Variants in SPHKAP observed in about 807,000 individuals in gnomAD.
SPHKAP encodes A-kinase anchor protein SPHKAP.
A neutral mutation model predicts 137.5 loss-of-function variants in SPHKAP; 67 were observed. The observed-to-expected ratio is 0.49, with a 90% confidence interval of 0.40 to 0.60. The LOEUF (loss-of-function observed/expected upper bound fraction) is 0.60. SPHKAP is among the 20% of genes least tolerant of loss of function. SPHKAP has a pLI of 0.00. For missense variants in SPHKAP, 2,097 were observed against 2,069.3 expected (o/e 1.01, Z -0.26); for synonymous variants, 813 against 785.3 (o/e 1.04, Z -0.59).
At chr2:228,060,717 T>G (rs992904057) in intron 3 of SPHKAP, among the ~76,000 whole-genome samples, 2 of 152,126 alleles carry the variant, frequency 1.3e-5, no homozygotes, top group African/African-American at 4.8e-5. Flanking sequence ...GCATCTAATG[T>G]TGGGTTCAAA....
intron 1 of SPHKAP, among the ~76,000 whole-genome samples, chr2:228,163,083 T>G (rs1227431228): frequency 6.6e-6 from 1 of 152,180 alleles, no homozygotes; most frequent in African/African-American, 2.4e-5. Context: ...ACAGAATTAT[T>G]AAGCACTGGG....
At chr2:228,068,596 G>A (rs891356289) in intron 3 of SPHKAP, among the ~76,000 whole-genome samples, 1 of 152,210 alleles carries the variant, frequency 6.6e-6, no homozygotes, top group Admixed American at 6.5e-5. Flanking sequence ...CTGGGGAAAG[G>A]AGAGTCTCTT....
Position 228,181,604 on chromosome 2 carries a change from G to A in SPHKAP, c.-6C>T. On this transcript the variant is annotated 5_prime_UTR_variant, in exon 1 of 12. Coordinates refer to ENST00000392056, the MANE Select transcript of SPHKAP (RefSeq NM_001142644.2). This position sits in a 1 kb window ranked among gnomAD's most constrained non-coding sequence, Gnocchi z 4.3. ...AGCAGGGAGTTGCCATCCATTGTTG[G>A]TGGGCGCCCAGAGAAGAAAGACGGA... 1 of 1,614,176 alleles carries A rather than the reference G, an allele frequency of 6.2e-7. No homozygotes were observed. The highest frequency in any genetic ancestry group is 8.5e-7 in the Non-Finnish European group (1 of 1,180,026).
chr2:228,109,926 C>G (rs534511762), intron 2 of SPHKAP, among the ~76,000 whole-genome samples: 1 of 125,012 alleles, frequency 8.0e-6, no homozygotes, highest in South Asian at 2.5e-4. Context: ...CCATTGCACT[C>G]CAGCTTGGGC....
At chr2:228,149,791 T>A (rs1290582669) in intron 1 of SPHKAP, among the ~76,000 whole-genome samples, 1 of 152,208 alleles carries the variant, frequency 6.6e-6, no homozygotes, top group East Asian at 1.9e-4. Flanking sequence ...TCAGCAAACA[T>A]CCTAAATTTA....
chr2:228,002,865 A>G (rs1458585818), intron 7 of SPHKAP, among the ~76,000 whole-genome samples: 1 of 152,214 alleles, frequency 6.6e-6, no homozygotes, highest in Non-Finnish European at 1.5e-5. Flanking sequence ...TTTGTTAAAG[A>G]TCAGATGGTT....
chr2:228,122,980 C>A (rs2106364992), intron 2 of SPHKAP, among the ~76,000 whole-genome samples: 1 of 152,230 alleles, frequency 6.6e-6, no homozygotes, highest in Middle Eastern at 3.4e-3. Context: ...TCCTGTTCAG[C>A]CCTTACGGCC....
intron 3 of SPHKAP, among the ~76,000 whole-genome samples, chr2:228,041,220 C>T (rs1272062733): frequency 6.6e-6 from 1 of 152,148 alleles, no homozygotes; most frequent in Non-Finnish European, 1.5e-5. Context: ...TTGAATTCCA[C>T]TACATGCTAA....
At chr2:228,044,340 G>A (rs151078486) in intron 3 of SPHKAP, among the ~76,000 whole-genome samples, 2 of 152,208 alleles carry the variant, frequency 1.3e-5, no homozygotes, top group African/African-American at 4.8e-5. Flanking sequence ...ATGCAGGAGA[G>A]GTGCTTCTTT....
intron 1 of SPHKAP, among the ~76,000 whole-genome samples, chr2:228,178,941 A>G (rs1057357047): frequency 6.6e-6 from 1 of 152,156 alleles, no homozygotes; most frequent in East Asian, 1.9e-4. Context: ...TCCTTAAAAA[A>G]AAAAAACATG....
At chr2:228,091,121 A>G (rs755651792) in intron 3 of SPHKAP, among the ~76,000 whole-genome samples, 6 of 152,212 alleles carry the variant, frequency 3.9e-5, no homozygotes, top group Admixed American at 6.5e-5. Flanking sequence ...GACACAGTGG[A>G]GTTTGAAGGA....
chr2:228,136,481 A>G (rs1234654708), intron 1 of SPHKAP, among the ~76,000 whole-genome samples: 2 of 152,242 alleles, frequency 1.3e-5, no homozygotes, highest in African/African-American at 2.4e-5. Context: ...TGACTCATGC[A>G]GTATGAAGAA....
chr2:228,036,133 T>C (rs951734413), intron 3 of SPHKAP, among the ~76,000 whole-genome samples: 1 of 149,882 alleles, frequency 6.7e-6, no homozygotes, highest in African/African-American at 2.5e-5. Context: ...AATCTACTCA[T>C]CTGACAAAGG....
chr2:228,018,868 G>A lies in SPHKAP; in HGVS notation c.1986C>T (p.Val662=), dbSNP rs61752224. 7.4e-6 allele frequency: 12 copies of A among 1,614,142 alleles called. No homozygotes were observed. The highest frequency in any genetic ancestry group is 1.3e-5 in the African/African-American group (1 of 75,040). The part of the protein sequence containing the change: ...SKSQTLCSEN[V]VRNELAHTLS... ...GGGTATGTGCCAGTTCATTCCTGAC[G>A]ACATTTTCTGAGCACAGGGTCTGAG... Residue 662 remains valine, a synonymous_variant, in exon 7 of 12, where the codon GTC becomes GTT. Transcript: ENST00000392056.
intron 1 of SPHKAP, among the ~76,000 whole-genome samples, chr2:228,180,347 C>A (rs1490606500): frequency 6.6e-6 from 1 of 152,166 alleles, no homozygotes; most frequent in Non-Finnish European, 1.5e-5. Flanking sequence ...GCCTTCAATG[C>A]CTTTGGAAAG....
intron 3 of SPHKAP, among the ~76,000 whole-genome samples, chr2:228,073,730 T>G (rs1697079900): frequency 6.6e-6 from 1 of 152,238 alleles, no homozygotes; most frequent in African/African-American, 2.4e-5. Context: ...CACTGTTACA[T>G]GGTCACTCCA....
chr2:228,146,820 T>C (rs1699790297), intron 1 of SPHKAP, among the ~76,000 whole-genome samples: 1 of 152,208 alleles, frequency 6.6e-6, no homozygotes, highest in African/African-American at 2.4e-5. Flanking sequence ...AGCATATAGG[T>C]TCATTCCATG....
intron 3 of SPHKAP, among the ~76,000 whole-genome samples, chr2:228,085,591 T>TCAA (rs551014021): frequency 2.4e-4 from 37 of 152,346 alleles, no homozygotes; most frequent in African/African-American, 8.7e-4. Flanking sequence ...GTATTACAGG[T>TCAA]CAACACATGT....
intron 1 of SPHKAP, among the ~76,000 whole-genome samples, chr2:228,144,523 T>A (rs1342090884): frequency 2.0e-5 from 3 of 152,054 alleles, no homozygotes; most frequent in African/African-American, 7.2e-5. Context: ...ATGTAGCTAT[T>A]TGTGATATTT....
Sources: allele counts gnomAD v4.1 joint callset (sites outside exome capture counted in the v4.1 genomes callset), GRCh38; gene constraint gnomAD v4.1.1; non-coding constraint Gnocchi (gnomAD v3.1); transcripts MANE v1.5; gene names NCBI Gene and HGNC (gene_info 2026-07-23, HGNC 2026-07-21).